ADCY7: variants seen among roughly 807,000 people sequenced by gnomAD.
ADCY7 encodes the protein adenylate cyclase 7, also known as adenylate cyclase type 7.
In ADCY7, 72 loss-of-function variants were observed where a neutral mutation model predicts 120.6. That is an observed-to-expected ratio of 0.60 (90% confidence interval 0.49 to 0.73). The LOEUF (loss-of-function observed/expected upper bound fraction) is 0.73, where lower values mean the gene tolerates loss of function less well. Ranked by LOEUF, ADCY7 falls within the 30% of genes least tolerant of loss-of-function variation. The pLI, the probability that ADCY7 is intolerant of heterozygous loss-of-function variation, is 0.00. For missense variants in ADCY7, 1,227 were observed against 1,486.0 expected, an observed-to-expected ratio of 0.83 and a Z score of 2.87; for synonymous variants, 661 against 628.0, an observed-to-expected ratio of 1.05 and a Z score of -0.78.
intron 1 of ADCY7, among the ~76,000 whole-genome samples, chr16:50,272,670 G>T (rs931388902): frequency 5.6e-4 from 85 of 152,274 alleles, no homozygotes; most frequent in African/African-American, 2.0e-3. Context: ...GGCTTGTCTT[G>T]GTCCTGCTGC....
intron 1 of ADCY7, among the ~76,000 whole-genome samples, chr16:50,286,282 C>A (rs1312792889): frequency 6.7e-6 from 1 of 149,654 alleles, no homozygotes; most frequent in African/African-American, 2.5e-5. Flanking sequence ...AGGTAATTCT[C>A]CCACCTTAGC....
chr16:50,258,562 G>C (rs1022353424), intron 1 of ADCY7, among the ~76,000 whole-genome samples: 1 of 150,918 alleles, frequency 6.6e-6, no homozygotes, highest in African/African-American at 2.4e-5. Flanking sequence ...TGTAATACTG[G>C]CAGTCATTGA....
chr16:50,282,274 C>T (rs1016483329), intron 1 of ADCY7, among the ~76,000 whole-genome samples: 32 of 152,310 alleles, frequency 2.1e-4, no homozygotes, highest in East Asian at 1.2e-3. Flanking sequence ...GTGCTGGGGA[C>T]GCTGCCAGAT....
At chr16:50,270,345 G>A (rs956354276) in intron 1 of ADCY7, among the ~76,000 whole-genome samples, 1 of 152,228 alleles carries the variant, frequency 6.6e-6, no homozygotes, top group Non-Finnish European at 1.5e-5. Context: ...ATCCGGTCCA[G>A]CATCCCGCCT....
intron 1 of ADCY7, among the ~76,000 whole-genome samples, chr16:50,282,936 G>A (rs1303223221): frequency 1.3e-5 from 2 of 152,088 alleles, no homozygotes; most frequent in Non-Finnish European, 2.9e-5. Context: ...TGCCCAGGCT[G>A]GTCTTAAACT....
chr16:50,305,026 A>C, intron 12 of ADCY7, 67 bp downstream of exon 12: 1 of 1,600,048 alleles, frequency 6.2e-7, no homozygotes, highest in Non-Finnish European at 8.5e-7. Flanking sequence ...TGCCCTGAGC[A>C]GCCTCTGTCC....
At chr16:50,305,020 CTGA>C in intron 12 of ADCY7, 61 bp downstream of exon 12, 4 of 1,602,326 alleles carry the variant, frequency 2.5e-6, no homozygotes, top group South Asian at 2.2e-5. Flanking sequence ...GCAGGCTGCC[CTGA>C]GCAGCCTCTG....
chr16:50,310,534 CTT>C, intron 18 of ADCY7, 151 bp from the exon 19 acceptor site: 1 of 1,544,128 alleles, frequency 6.5e-7, no homozygotes, highest in Non-Finnish European at 8.7e-7. Context: ...ACTGGACACT[CTT>C]AGGTCTCATT....
At chr16:50,274,553 T>TGGATCGGGTTCTCA (rs1198966620) in intron 1 of ADCY7, among the ~76,000 whole-genome samples, 2 of 152,132 alleles carry the variant, frequency 1.3e-5, no homozygotes. Flanking sequence ...CCCCTAGGCC[T>TGGATCGGGTTCTCA]GGATCGGGTT....
intron 8 of ADCY7, 122 bp from the exon 9 acceptor site, chr16:50,300,588 ATTCTC>A: frequency 8.7e-7 from 1 of 1,153,514 alleles, no homozygotes; most frequent in Middle Eastern, 2.7e-4. Flanking sequence ...GGCTGAGAAC[ATTCTC>A]TCCCGTGGGC....
upstream of ADCY7, among the ~76,000 whole-genome samples, chr16:50,264,620 C>G (rs895996216): frequency 6.6e-6 from 1 of 152,106 alleles, no homozygotes; most frequent in African/African-American, 2.4e-5. Flanking sequence ...TCCTCCTTGT[C>G]AACACTTGGT....
chr16:50,314,459 AC>A, intron 24 of ADCY7, 53 bp downstream of exon 24: 1 of 1,406,222 alleles, frequency 7.1e-7, no homozygotes, highest in Non-Finnish European at 1.0e-6. Context: ...AGGCCAGTCC[AC>A]CCAGTCTGTG....
Position 50,305,524 on chromosome 16 carries a change from G to A in ADCY7, c.1617G>A (p.Arg539=). ...TPDRSMSPKG[R]SEDDSYDDEM... ...CCAGAAGCATGTCCCCCAAGGGGCG[G>A]TCGGAGGATGACTCGTACGATGACG... The change falls in exon 13 of 26, where the codon CGG becomes CGA. Residue 539 remains arginine (R), a synonymous_variant. Coordinates refer to ENST00000673801, the MANE Select transcript of ADCY7 (RefSeq NM_001114.5). The A allele has an allele frequency of 6.2e-7, 1 of 1,611,884 alleles. No individual in the cohort carries two copies. Among genetic ancestry groups the A allele is most frequent in the Non-Finnish European group, 8.5e-7 (1 of 1,178,942 alleles).
chr16:50,268,905 C>A (rs752641402), intron 1 of ADCY7, among the ~76,000 whole-genome samples: 1 of 152,084 alleles, frequency 6.6e-6, no homozygotes, highest in African/African-American at 2.4e-5. Context: ...GGTGTGGTGG[C>A]GTGTGCCTGT....
chr16:50,290,309 G>A (rs2034860145), intron 2 of ADCY7, 148 bp from the exon 3 acceptor site: 1 of 814,500 alleles, frequency 1.2e-6, no homozygotes, highest in Non-Finnish European at 1.9e-6. Flanking sequence ...AGGCCAGAAG[G>A]TGAGTGGGAA....
intron 14 of ADCY7, 63 bp downstream of exon 14, chr16:50,305,912 G>A: frequency 6.5e-7 from 1 of 1,534,148 alleles, no homozygotes; most frequent in Non-Finnish European, 9.0e-7. Flanking sequence ...GGTAGGGTGG[G>A]GGACGCAGGT....
intron 7 of ADCY7, among the ~76,000 whole-genome samples, chr16:50,298,670 T>G (rs2035513938): frequency 6.6e-6 from 1 of 152,196 alleles, no homozygotes; most frequent in Non-Finnish European, 1.5e-5. Context: ...CCCGAGGCCC[T>G]TAGGAACACT....
intron 11 of ADCY7, 28 bp downstream of exon 11, chr16:50,304,579 AG>A: frequency 6.6e-7 from 1 of 1,516,566 alleles, no homozygotes; most frequent in Non-Finnish European, 8.8e-7. Context: ...CCAGAAAGCC[AG>A]GGATTGGGGC....
chr16:50,284,069 T>G (rs1161182567), intron 1 of ADCY7, among the ~76,000 whole-genome samples: 9 of 152,154 alleles, frequency 5.9e-5, no homozygotes, highest in African/African-American at 2.2e-4. Flanking sequence ...AACTGGTGAT[T>G]GGACAGGAGG....
Sources: gnomAD v4.1 joint callset for allele counts (sites outside exome capture counted in the v4.1 genomes callset) on GRCh38, gnomAD v4.1.1 for gene constraint, MANE v1.5 for transcripts, NCBI Gene and HGNC (gene_info 2026-07-23, HGNC 2026-07-21) for gene names.